The following WWOX variants were observed in gnomAD, a reference collection of about 807,000 sequenced individuals.
WWOX encodes the protein WW domain-containing oxidoreductase.
WWOX carries 69 observed loss-of-function variants against 46.2 expected under a neutral mutation model. The observed-to-expected ratio is 1.49, with a 90% CI of 1.23 to 1.82. The LOEUF (loss-of-function observed/expected upper bound fraction) is 1.82, where lower values mean the gene tolerates loss of function less well. WWOX is among the 40% of genes most tolerant of loss of function. WWOX has a pLI of 0.00. For synonymous variants in WWOX, 359 were observed against 202.6 expected (o/e 1.77, Z -6.56); for missense variants, 919 against 542.6 (o/e 1.69, Z -6.89).
intron 8 of WWOX, among the ~76,000 whole-genome samples, chr16:79,144,647 T>G (rs2050151525): frequency 6.6e-6 from 1 of 152,224 alleles, no homozygotes; most frequent in Admixed American, 6.5e-5. Context: ...ACTTTTGACT[T>G]TATAATATTA....
intron 8 of WWOX, among the ~76,000 whole-genome samples, chr16:79,087,267 A>C (rs2150592467): frequency 6.6e-6 from 1 of 152,366 alleles, no homozygotes; most frequent in South Asian, 2.1e-4. Flanking sequence ...GAGCGTGTGA[A>C]GCATGGGGAC....
At chr16:78,896,308 G>C (rs909498284) in intron 8 of WWOX, 3 of 151,976 alleles carry the variant, frequency 2.0e-5, no homozygotes, top group East Asian at 1.9e-4. Context: ...TTGGGAAAAG[G>C]ATTGTAGAAT....
intron 8 of WWOX, among the ~76,000 whole-genome samples, chr16:78,481,211 C>T (rs917887276): frequency 1.3e-5 from 2 of 152,106 alleles, no homozygotes; most frequent in African/African-American, 4.8e-5. Context: ...TCTTTTGAGG[C>T]GTATGCCCTT....
In WWOX at chr16:78,407,119, C is replaced by T. The variant is rs138105527; in HGVS notation, c.606-17751C>T. On this transcript the variant is annotated intron_variant, in intron 6 of 8. Coordinates refer to ENST00000566780, the MANE Select transcript of WWOX (RefSeq NM_016373.4). ...TACTGCCATCCATGATTTCATGAAA[C>T]CAGCTCTAGCTATTTAAGCAGGGGT... Among the ~76,000 whole-genome samples, 9 of 152,252 alleles carry T rather than the reference C, an allele frequency of 5.9e-5. 1 individual carries two copies. Among genetic ancestry groups the T allele is most frequent in the African/African-American group, 2.2e-4 (9 of 41,540 alleles).
intron 5 of WWOX, among the ~76,000 whole-genome samples, chr16:78,353,374 A>AAG (rs2151907730): frequency 6.6e-6 from 1 of 152,330 alleles, no homozygotes; most frequent in South Asian, 2.1e-4. Flanking sequence ...AGCTGGGCTG[A>AAG]AGAGTTACCT....
intron 8 of WWOX, among the ~76,000 whole-genome samples, chr16:78,583,122 G>C (rs931084835): frequency 6.6e-6 from 1 of 152,174 alleles, no homozygotes; most frequent in Non-Finnish European, 1.5e-5. Flanking sequence ...TTTTGTTTTC[G>C]AAGCCTTTGT....
chr16:78,897,427 G>A (rs1490983853), intron 8 of WWOX: 1 of 151,790 alleles, frequency 6.6e-6, no homozygotes, highest in Admixed American at 6.6e-5. Flanking sequence ...CATACCTACT[G>A]CTTTGTATGT....
intron 4 of WWOX, among the ~76,000 whole-genome samples, chr16:78,145,568 C>A (rs1157381472): frequency 2.0e-5 from 3 of 152,050 alleles, no homozygotes; most frequent in African/African-American, 7.2e-5. Flanking sequence ...TGGTACCAAC[C>A]CAAATTGAGG....
At chr16:78,557,156 C>A (rs1244833175) in intron 8 of WWOX, among the ~76,000 whole-genome samples, 2 of 152,134 alleles carry the variant, frequency 1.3e-5, no homozygotes, top group East Asian at 3.8e-4. Context: ...TTGTAGTGGG[C>A]TATTAGATTT....
chr16:78,337,492 T>G (rs2080919677), intron 5 of WWOX, among the ~76,000 whole-genome samples: 1 of 152,180 alleles, frequency 6.6e-6, no homozygotes, highest in African/African-American at 2.4e-5. Flanking sequence ...CATTATTAAC[T>G]AGTCTATAGT....
chr16:79,090,531 C>G (rs756272421), intron 8 of WWOX, among the ~76,000 whole-genome samples: 1 of 152,078 alleles, frequency 6.6e-6, no homozygotes, highest in Non-Finnish European at 1.5e-5. Flanking sequence ...GACATGCAAG[C>G]AAGGATAAGT....
intron 8 of WWOX, among the ~76,000 whole-genome samples, chr16:79,039,249 G>C (rs2047925948): frequency 6.6e-6 from 1 of 152,152 alleles, no homozygotes; most frequent in Admixed American, 6.5e-5. Flanking sequence ...GACTTTGCAG[G>C]AATGACTGTC....
At chr16:78,479,256 A>T (rs1211940459) in intron 8 of WWOX, among the ~76,000 whole-genome samples, 1 of 152,222 alleles carries the variant, frequency 6.6e-6, no homozygotes, top group Non-Finnish European at 1.5e-5. Context: ...ACCACTTCAG[A>T]CAGTAAGGAT....
intron 8 of WWOX, among the ~76,000 whole-genome samples, chr16:79,117,708 G>C (rs1597390168): frequency 6.6e-6 from 1 of 152,354 alleles, no homozygotes; most frequent in East Asian, 1.9e-4. Context: ...ACTTGCTGCA[G>C]CTTCTGCATC....
At chr16:78,106,421 G>GT (rs34551316) in intron 1 of WWOX, among the ~76,000 whole-genome samples, 2,897 of 122,918 alleles carry the variant, frequency 0.024, 57 homozygotes, top group South Asian at 0.029. Flanking sequence ...GTTTTTTTTT[G>GT]TTTTTTTTTT....
At chr16:78,382,051 C>T (rs1177577388) in intron 5 of WWOX, among the ~76,000 whole-genome samples, 2 of 152,002 alleles carry the variant, frequency 1.3e-5, no homozygotes, top group Non-Finnish European at 2.9e-5. Context: ...TTTTATATGG[C>T]CCATATTCAT....
chr16:78,835,311 T>C (rs959893316), intron 8 of WWOX, among the ~76,000 whole-genome samples: 3 of 152,244 alleles, frequency 2.0e-5, no homozygotes, highest in Non-Finnish European at 4.4e-5. Context: ...AACTACACCA[T>C]TCAAAGCGTT....
At chr16:78,742,965 C>G (rs1421459799) in intron 8 of WWOX, among the ~76,000 whole-genome samples, 8 of 152,180 alleles carry the variant, frequency 5.3e-5, no homozygotes, top group African/African-American at 1.9e-4. Flanking sequence ...TAAGAGGGGC[C>G]TCGTTAATGT....
intron 6 of WWOX, among the ~76,000 whole-genome samples, chr16:78,422,260 T>C (rs73572810): frequency 0.012 from 1,833 of 152,260 alleles, 33 homozygotes; most frequent in African/African-American, 0.04. Flanking sequence ...GAGCAGAAGA[T>C]TTTAATTTCT....
Sources: allele counts gnomAD v4.1 joint callset (sites outside exome capture counted in the v4.1 genomes callset), GRCh38; gene constraint gnomAD v4.1.1; transcripts MANE v1.5; gene names NCBI Gene and HGNC (gene_info 2026-07-23, HGNC 2026-07-21).